CHUK: variants seen among roughly 807,000 people sequenced by gnomAD.
CHUK encodes the protein component of inhibitor of nuclear factor kappa B kinase complex.
In CHUK, 35 loss-of-function variants were observed where a neutral mutation model predicts 104.8. The observed-to-expected ratio is 0.33, with a 90% CI of 0.26 to 0.44. The LOEUF (loss-of-function observed/expected upper bound fraction) is 0.44. CHUK is among the 20% of genes least tolerant of loss of function. The pLI, the probability that CHUK is intolerant of heterozygous loss-of-function variation, is 1.00. For missense variants in CHUK, 663 were observed against 902.7 expected (o/e 0.73, Z 3.40); for synonymous variants, 276 against 291.9 (o/e 0.95, Z 0.56).
chr10:100,214,120 C>T (rs1845798796), intron 9 of CHUK, among the ~76,000 whole-genome samples: 1 of 152,110 alleles, frequency 6.6e-6, no homozygotes, highest in African/African-American at 2.4e-5. Context: ...TACTTTTACA[C>T]AGGATATTAG....
intron 2 of CHUK, among the ~76,000 whole-genome samples, chr10:100,225,048 C>T (rs940301783): frequency 2.0e-5 from 3 of 152,004 alleles, no homozygotes; most frequent in African/African-American, 7.3e-5. Context: ...TGGGGTTTTG[C>T]CATGTTGCCC....
At chr10:100,224,638 T>C (rs965701179) in intron 2 of CHUK, among the ~76,000 whole-genome samples, 1 of 151,980 alleles carries the variant, frequency 6.6e-6, no homozygotes, top group Admixed American at 6.6e-5. Flanking sequence ...GGTTTTGCCA[T>C]GTTGACCGGG....
At chr10:100,226,275 A>G (rs1381333150) in intron 1 of CHUK, among the ~76,000 whole-genome samples, 1 of 152,164 alleles carries the variant, frequency 6.6e-6, no homozygotes, top group East Asian at 1.9e-4. Context: ...AGGTCTTTTC[A>G]GAACTCTCTC....
chr10:100,209,329 G>C lies in CHUK; in HGVS notation c.1128+266C>G, dbSNP rs547979990. ...CATCTGCATCTCGTTATTGGGCCGC[G>C]AGAGTAAGCAGCCTGACCCTCAGTT... is the stretch of plus-strand genomic sequence containing the variant. On this transcript the variant is annotated intron_variant, in intron 10 of 20. Transcript: ENST00000370397. Among the ~76,000 whole-genome samples the C allele has an allele frequency of 3.3e-5, 5 of 152,172 alleles. No individual in the cohort carries two copies. The South Asian group carries it at 6.2e-4, about 19-fold the overall frequency.
At chr10:100,190,484 A>G in intron 20 of CHUK, 1 of 261,344 alleles carries the variant, frequency 3.8e-6, no homozygotes, top group South Asian at 4.4e-5. Flanking sequence ...TTACAACTAT[A>G]TTAACATAAT....
chr10:100,198,824 C>CT (rs917609013), intron 16 of CHUK, among the ~76,000 whole-genome samples: 18 of 152,210 alleles, frequency 1.2e-4, no homozygotes, highest in African/African-American at 4.3e-4. Context: ...AAAAGTATAT[C>CT]TTTTTTTAAC....
At chr10:100,193,550 G>C in intron 18 of CHUK, 119 bp from the exon 19 acceptor site, 3 of 1,159,858 alleles carry the variant, frequency 2.6e-6, no homozygotes, top group Non-Finnish European at 3.8e-6. Flanking sequence ...CACAACCAGA[G>C]TATTTCAGTA....
rs139238891 is a variant in CHUK at position 100,212,138 on chromosome 10, C to A, written c.934-2349G>T. Among the ~76,000 whole-genome samples the A allele has an allele frequency of 3.0e-3, 456 of 152,270 alleles. 4 individuals carry two copies. Among genetic ancestry groups the A allele is most frequent in the African/African-American group, 0.011 (445 of 41,562 alleles). On this transcript the variant is annotated intron_variant, in intron 9 of 20. Transcript: ENST00000370397. ...CCTCATGTGATCCACCTGTCTCAAC[C>A]TCCCAAAGTGCTGGGATTACAGGCA...
downstream of CHUK, chr10:100,187,593 C>T (rs1446937873): frequency 6.6e-6 from 1 of 152,118 alleles, no homozygotes; most frequent in Non-Finnish European, 1.5e-5. Flanking sequence ...ATACAATTCA[C>T]AACTGCCATT....
intron 19 of CHUK, 39 bp downstream of exon 19, chr10:100,193,259 A>G: frequency 6.2e-7 from 1 of 1,609,934 alleles, no homozygotes; most frequent in African/African-American, 1.3e-5. Flanking sequence ...TACCACTGCT[A>G]TGAAAACACA....
intron 9 of CHUK, among the ~76,000 whole-genome samples, chr10:100,215,764 A>G (rs1020745815): frequency 1.3e-5 from 2 of 152,186 alleles, no homozygotes; most frequent in African/African-American, 4.8e-5. Context: ...TACAATATAT[A>G]TAAACATTTT....
At chr10:100,211,710 C>CTT (rs1362331673) in intron 9 of CHUK, among the ~76,000 whole-genome samples, 1 of 152,184 alleles carries the variant, frequency 6.6e-6, no homozygotes, top group Non-Finnish European at 1.5e-5. Context: ...ATATATACCA[C>CTT]TTTTTCCCTA....
chr10:100,201,715 C>T (rs1288105266), intron 14 of CHUK, among the ~76,000 whole-genome samples: 2 of 152,050 alleles, frequency 1.3e-5, no homozygotes, highest in Admixed American at 1.3e-4. Flanking sequence ...GTTAGCCAGG[C>T]ATGGTGGTGC....
chr10:100,199,542 G>A (rs1348978967), intron 16 of CHUK, among the ~76,000 whole-genome samples: 1 of 152,150 alleles, frequency 6.6e-6, no homozygotes, highest in East Asian at 1.9e-4. Flanking sequence ...GGCCAAGCTG[G>A]TTTTGAACTC....
intron 9 of CHUK, among the ~76,000 whole-genome samples, chr10:100,216,614 G>C (rs1845861753): frequency 6.6e-6 from 1 of 152,184 alleles, no homozygotes; most frequent in African/African-American, 2.4e-5. Context: ...TGAAGCAGGA[G>C]AATCACTTGA....
chr10:100,226,392 G>A (rs1226347579), intron 1 of CHUK, among the ~76,000 whole-genome samples: 1 of 152,148 alleles, frequency 6.6e-6, no homozygotes, highest in Non-Finnish European at 1.5e-5. Flanking sequence ...TAACTAAAAT[G>A]AAGAAGGTAA....
rs778988766 is a variant in CHUK, at chr10:100,200,039, G to A, written c.1680-19C>T. 1 of 1,584,858 alleles carries A rather than the reference G, an allele frequency of 6.3e-7. No individual in the cohort carries two copies. Among genetic ancestry groups the A allele is most frequent in the Admixed American group, 1.7e-5 (1 of 59,932 alleles). On this transcript the variant is annotated intron_variant, in intron 15 of 20. Coordinates refer to ENST00000370397, the MANE Select transcript of CHUK (RefSeq NM_001278.5). ...CTGTTCCCTATAAAAGAGAAAACAC[G>A]CTCTGATAAGTGAAGGTAATTTAAT...
intron 1 of CHUK, among the ~76,000 whole-genome samples, chr10:100,226,915 A>C (rs916489185): frequency 1.2e-4 from 19 of 152,202 alleles, no homozygotes; most frequent in Non-Finnish European, 2.8e-4. Context: ...AGGAAAAAAG[A>C]AGCTAGAGAT....
downstream of CHUK, chr10:100,186,413 G>T (rs1360011087): frequency 1.0e-5 from 2 of 198,146 alleles, no homozygotes; most frequent in Admixed American, 6.0e-5. Flanking sequence ...CTGCCCTTCA[G>T]GAGCAACTAA....
Sources: gnomAD v4.1 joint callset for allele counts (sites outside exome capture counted in the v4.1 genomes callset) on GRCh38, gnomAD v4.1.1 for gene constraint, MANE v1.5 for transcripts, NCBI Gene and HGNC (gene_info 2026-07-23, HGNC 2026-07-21) for gene names.